The following PRDM10 variants were observed in gnomAD, a reference collection of about 807,000 sequenced individuals.
PRDM10 encodes PR domain zinc finger protein 10.
Under a neutral mutation model 133.1 loss-of-function variants are expected in PRDM10, and 65 were observed. That is an observed-to-expected ratio of 0.49 (90% confidence interval 0.40 to 0.60). The LOEUF (loss-of-function observed/expected upper bound fraction) is 0.60. Among genes scored for constraint, PRDM10 ranks in the 20% least tolerant of loss-of-function variants. The pLI is 0.00. For missense variants in PRDM10, 1,137 were observed against 1,507.1 expected, an observed-to-expected ratio of 0.75 and a Z score of 4.07; for synonymous variants, 582 against 580.4, an observed-to-expected ratio of 1.00 and a Z score of -0.04.
Position 129,902,509 on chromosome 11 carries a change from T to C in PRDM10, c.3275A>G (p.Tyr1092Cys). The C allele has an allele frequency of 6.2e-7, 1 of 1,613,824 alleles. No homozygotes were observed. ...GQVKAVTSGH[Y>C]VLSESQSELE... The stretch of plus-strand genomic sequence containing the variant: ...TTCTGATTGACTTTCTGATAACACA[T>C]AATGACCCTAGAGGAAGAAGAAAAG... The change falls in exon 21 of 21, where the codon TAT becomes TGT. Residue 1092 changes from tyrosine (Y) to cysteine (C), a missense_variant. Tyr to Cys is a radical substitution (Grantham distance 194). Transcript: ENST00000360871.
chr11:129,953,030 A>G (rs1397753728), intron 4 of PRDM10, among the ~76,000 whole-genome samples: 2 of 151,784 alleles, frequency 1.3e-5, no homozygotes, highest in African/African-American at 2.4e-5. Flanking sequence ...CTGGAGTGCA[A>G]TGGCACGATC....
chr11:129,955,462 C>A, intron 4 of PRDM10, 50 bp downstream of exon 4: 2 of 1,563,262 alleles, frequency 1.3e-6, no homozygotes, highest in Non-Finnish European at 1.8e-6. Context: ...ATTCCAGGCG[C>A]AGTGGCATTC....
At chr11:129,959,926 T>C (rs987730561) in intron 2 of PRDM10, among the ~76,000 whole-genome samples, 1 of 139,892 alleles carries the variant, frequency 7.1e-6, no homozygotes, top group African/African-American at 2.6e-5. Flanking sequence ...CTAATTTTTC[T>C]TTTTTTTTTT....
At chr11:129,960,375 TC>T (rs918711029) in intron 2 of PRDM10, among the ~76,000 whole-genome samples, 1 of 152,150 alleles carries the variant, frequency 6.6e-6, no homozygotes, top group Non-Finnish European at 1.5e-5. Flanking sequence ...TGTGGTTGGT[TC>T]TAGCAGCAAT....
chr11:129,945,548 C>A lies in PRDM10; in HGVS notation c.521-536G>T, dbSNP rs116119936. Among the ~76,000 whole-genome samples, 539 of 152,284 alleles carry A rather than the reference C, an allele frequency of 3.5e-3. 2 individuals are homozygous for A. Among genetic ancestry groups the A allele is most frequent in the African/African-American group, 0.012 (507 of 41,542 alleles). ...GTGCGGTCTGAGAGTTCAGTGCATACTGTCTGATTAGATAATGCTAAAATG... is the reference window on the plus strand; with the variant it reads ...GTGCGGTCTGAGAGTTCAGTGCATAATGTCTGATTAGATAATGCTAAAATG... On this transcript the variant is annotated intron_variant, in intron 5 of 20. Coordinates refer to ENST00000360871, the MANE Select transcript of PRDM10 (RefSeq NM_199437.2). The surrounding 1 kb of genome is among the most constrained non-coding windows in gnomAD (Gnocchi z 4.2).
chr11:129,989,458 C>A (rs1938611577), intron 1 of PRDM10, among the ~76,000 whole-genome samples: 1 of 152,230 alleles, frequency 6.6e-6, no homozygotes, highest in African/African-American at 2.4e-5. Context: ...ATGTAAAACC[C>A]TGTTTCACCC....
At chr11:129,979,120 A>G (rs1010164029) in intron 1 of PRDM10, among the ~76,000 whole-genome samples, 97 of 152,326 alleles carry the variant, frequency 6.4e-4, no homozygotes, top group African/African-American at 2.3e-3. Flanking sequence ...TATAAAGAGT[A>G]GCAGCTGGTT....
intron 1 of PRDM10, among the ~76,000 whole-genome samples, chr11:129,992,960 A>G (rs1274358309): frequency 2.0e-5 from 3 of 151,220 alleles, no homozygotes; most frequent in Non-Finnish European, 3.0e-5. Flanking sequence ...TACTCCAAAT[A>G]CTTTTTCTAG....
Position 129,902,351 on chromosome 11 carries a change from C to T in PRDM10, c.3433G>A (p.Gly1145Arg), listed in dbSNP as rs775825856. 93 of 1,613,962 alleles carry T rather than the reference C, an allele frequency of 5.8e-5. No homozygotes were observed. The highest frequency in any genetic ancestry group is 6.1e-5 in the Non-Finnish European group (72 of 1,180,004). ...ATATGCACTTCGCTGCTTCCGTTCC[C>T]GTTGGTGGTGGTGGTGATGATGTAC... is the stretch of plus-strand genomic sequence containing the variant. The part of the protein sequence containing the change: ...TQYIITTTTN[G>R]NGSSEVHITK... The change falls in exon 21 of 21, where the codon GGG (glycine) becomes AGG (arginine). Residue 1145 changes from glycine to arginine, a missense_variant. Gly to Arg is a moderately radical substitution (Grantham distance 125). Coordinates refer to ENST00000360871, the MANE Select transcript of PRDM10 (RefSeq NM_199437.2).
chr11:129,955,430 G>T, intron 4 of PRDM10, 82 bp downstream of exon 4: 1 of 1,325,902 alleles, frequency 7.5e-7, no homozygotes, highest in Non-Finnish European at 1.1e-6. Context: ...TCCAGAGATG[G>T]TGCAGTGCAA....
chr11:129,910,104 G>A (rs954570285), intron 19 of PRDM10, among the ~76,000 whole-genome samples: 10 of 152,326 alleles, frequency 6.6e-5, no homozygotes, highest in Admixed American at 2.0e-4. Flanking sequence ...TGGTGTTACC[G>A]ATACTAATGA....
intron 19 of PRDM10, 143 bp downstream of exon 19, chr11:129,910,333 G>GA (rs780701652): frequency 4.6e-5 from 55 of 1,206,416 alleles, no homozygotes; most frequent in Middle Eastern, 5.7e-4. Context: ...GTTTTGTCAT[G>GA]AAACCCATTG....
At position 129,945,123 on chromosome 11, in the gene PRDM10, C is replaced by T; in HGVS notation, c.521-111G>A. On this transcript the variant is annotated intron_variant, in intron 5 of 20. Coordinates refer to ENST00000360871, the MANE Select transcript of PRDM10 (RefSeq NM_199437.2). This position sits in a 1 kb window ranked among gnomAD's most constrained non-coding sequence, Gnocchi z 4.2. ...CCGTCTGCATTTTCAAGCCAAAATT[C>T]AATGAACTCCTAATGGCGCTACCCA... 7.5e-7 allele frequency: 1 copy of T among 1,337,544 alleles called. No homozygotes were observed. The highest frequency in any genetic ancestry group is 1.3e-5 in the South Asian group (1 of 77,700). 82.9% of individuals were successfully genotyped at this position (1,337,544 alleles called of 1,614,324 possible).
intron 1 of PRDM10, among the ~76,000 whole-genome samples, chr11:129,962,026 C>A (rs193298248): frequency 2.0e-5 from 3 of 152,176 alleles, no homozygotes; most frequent in African/African-American, 7.2e-5. Flanking sequence ...GAGAGGAAGG[C>A]GGCAAGTGGA....
rs774322231 is a variant in PRDM10 at position 129,910,627 on chromosome 11, G to C, written c.3012C>G (p.Ala1004=). The C allele has an allele frequency of 1.1e-4, 178 of 1,598,748 alleles. No individual in the cohort carries two copies. The highest frequency in any genetic ancestry group is 1.4e-4 in the Non-Finnish European group (165 of 1,171,442). ...GGCTGAGCCCCTGCTGAGCCTGCTG[G>C]GCTGAGGGACTCAACGGCTGCCCAG... is the stretch of plus-strand genomic sequence containing the variant. ...QVSGQPLSPS[A]QQAQQGLSPS... The change falls in exon 19 of 21, where the codon GCC becomes GCG. Residue 1004 remains alanine (A), a synonymous_variant. Coordinates refer to ENST00000360871, the MANE Select transcript of PRDM10 (RefSeq NM_199437.2).
At position 129,914,860 on chromosome 11, in the gene PRDM10, G is replaced by T. The variant is rs201058090; in HGVS notation, c.2685C>A (p.Leu895=). The change falls in exon 17 of 21, where the codon CTC becomes CTA. Residue 895 remains leucine (L), a synonymous_variant. Coordinates refer to ENST00000360871, the MANE Select transcript of PRDM10 (RefSeq NM_199437.2). ...GGGACAGTTCTGTCATTGCTTGGGT[G>T]AGCAGGTCCGTCGTCACCACAGTCT... ...TGETVVTTDL[L]TQAMTELSQT... 6.2e-7 allele frequency: 1 copy of T among 1,614,052 alleles called. No homozygotes were observed. The highest frequency in any genetic ancestry group is 8.5e-7 in the Non-Finnish European group (1 of 1,180,042).
rs1042776054 is a variant in PRDM10 at position 129,923,662 on chromosome 11, G to C, written c.1879-259C>G. 1.3e-5 allele frequency among the ~76,000 whole-genome samples: 2 copies of C among 149,002 alleles called. No individual in the cohort carries two copies. ...GAAACGTGAGAGAGAGAGAGAGAGA[G>C]AGAGAGAGAGAGAGAGAGAGAGAGA... On this transcript the variant is annotated intron_variant, in intron 12 of 20. Coordinates refer to ENST00000360871, the MANE Select transcript of PRDM10 (RefSeq NM_199437.2). This position sits in a 1 kb window ranked among gnomAD's most constrained non-coding sequence, Gnocchi z 4.4.
At chr11:129,929,646 A>G (rs1182267516) in intron 11 of PRDM10, among the ~76,000 whole-genome samples, 1 of 152,156 alleles carries the variant, frequency 6.6e-6, no homozygotes, top group Admixed American at 6.6e-5. Context: ...ACCTTGCACC[A>G]AAACCAGTAA....
intron 5 of PRDM10, among the ~76,000 whole-genome samples, chr11:129,946,383 A>G (rs1373146762): frequency 1.3e-5 from 2 of 152,244 alleles, no homozygotes; most frequent in African/African-American, 4.8e-5. Flanking sequence ...GGGCCCAAGC[A>G]GACAGATTTT....
Sources: allele counts gnomAD v4.1 joint callset (sites outside exome capture counted in the v4.1 genomes callset), GRCh38; gene constraint gnomAD v4.1.1; non-coding constraint Gnocchi (gnomAD v3.1); transcripts MANE v1.5; gene names NCBI Gene and HGNC (gene_info 2026-07-23, HGNC 2026-07-21).